Variants in LRRC45 observed in about 807,000 individuals in gnomAD.
The protein encoded by LRRC45 is leucine-rich repeat-containing protein 45.
In LRRC45, 73 loss-of-function variants were observed where a neutral mutation model predicts 85.4. That is an observed-to-expected ratio of 0.85 (90% CI 0.71 to 1.04). LRRC45 has a LOEUF of 1.04. Among genes scored for constraint, LRRC45 ranks in the 50% least tolerant of loss-of-function variants. The probability of loss-of-function intolerance (pLI) is 0.00; values close to 1 mark genes in which losing one functional copy is unlikely to be tolerated. For synonymous variants in LRRC45, 429 were observed against 386.0 expected (o/e 1.11, Z -1.31); for missense variants, 937 against 883.3 (o/e 1.06, Z -0.77).
rs767033499 is a variant in LRRC45, at chr17:82,025,375, C to T, written c.533-4C>T. 7.0e-6 allele frequency: 11 copies of T among 1,574,632 alleles called. No homozygotes were observed. Among genetic ancestry groups the T allele is most frequent in the Non-Finnish European group, 7.8e-6 (9 of 1,159,612 alleles). On this transcript the variant is annotated splice_polypyrimidine_tract_variant and splice_region_variant and intron_variant, in intron 4 of 16. Transcript: ENST00000306688. ...CTGTCTGGTGACTACAGGTTTCCTT[C>T]CAGACCTGCGCTGGAATAACGTTGG...
chr17:82,027,899 G>T, intron 8 of LRRC45, 112 bp from the exon 9 acceptor site: 4 of 1,514,768 alleles, frequency 2.6e-6, no homozygotes, highest in Non-Finnish European at 3.6e-6. Context: ...CCTGGAGGAG[G>T]CGGGTGCTGG....
chr17:82,025,255 G>T (rs1017899904), intron 4 of LRRC45, 77 bp downstream of exon 4: 98 of 1,533,638 alleles, frequency 6.4e-5, no homozygotes, highest in Non-Finnish European at 8.2e-5. Flanking sequence ...GGGGCTAGGG[G>T]ACTGGCCTGT....
In LRRC45 at chr17:82,030,615, C is replaced by T. The variant is rs1400952000; in HGVS notation, c.1823C>T (p.Ala608Val). 6.2e-6 allele frequency: 8 copies of T among 1,294,504 alleles called. No homozygotes were observed. The highest frequency in any genetic ancestry group is 5.7e-5 in the African/African-American group (3 of 52,736). The allele number at this position is 1,294,504 out of a possible 1,614,324, so 80.2% of individuals were successfully genotyped here. ...AALERQLKVM[A>V]SDHREALLDR... ...TGCGCTCCTTGCCCTGCAGTGATGG[C>T]GAGCGACCACCGAGAGGCGCTGCTG... Residue 608 changes from alanine to valine, a missense_variant, in exon 17 of 17, where the codon GCG becomes GTG. By Grantham distance (64) the Ala-to-Val change is moderately conservative. Coordinates refer to ENST00000306688, the MANE Select transcript of LRRC45 (RefSeq NM_144999.4).
Position 82,023,481 on chromosome 17 carries a change from G to C in LRRC45, c.-163G>C. ...GACCTTGACTACCGCCCAGCCCCGC[G>C]CTCCCAGGACCTCCCGCCCGCGGAG... is the stretch of plus-strand genomic sequence containing the variant. On this transcript the variant is annotated 5_prime_UTR_variant, in exon 1 of 17. Coordinates refer to ENST00000306688, the MANE Select transcript of LRRC45 (RefSeq NM_144999.4). The C allele has an allele frequency of 1.6e-6, 1 of 618,272 alleles. No individual in the cohort carries two copies. Among genetic ancestry groups the C allele is most frequent in the South Asian group, 2.1e-5 (1 of 47,470 alleles). The allele number at this position is 618,272 out of a possible 1,614,324, so 38.3% of individuals were successfully genotyped here. A position where few individuals can be genotyped will look rare whatever the true frequency, so the allele number is the denominator to read the frequency against.
chr17:82,028,897 G>T, intron 12 of LRRC45, 196 bp from the exon 13 acceptor site: 2 of 723,058 alleles, frequency 2.8e-6, no homozygotes, highest in East Asian at 5.4e-5. Flanking sequence ...ACAGGCTGCC[G>T]TTGAAGAGAC....
At position 82,027,844 on chromosome 17, in the gene LRRC45, C is replaced by G. The variant is rs188747923; in HGVS notation, c.911+93C>G. 3.0e-3 allele frequency: 4,615 copies of G among 1,533,394 alleles called. 15 individuals carry two copies. Among genetic ancestry groups the G allele is most frequent in the Non-Finnish European group, 3.9e-3 (4,373 of 1,125,692 alleles). The allele number at this position is 1,533,394 out of a possible 1,614,324, so 95.0% of individuals were successfully genotyped here. On this transcript the variant is annotated intron_variant, in intron 8 of 16. Coordinates refer to ENST00000306688, the MANE Select transcript of LRRC45 (RefSeq NM_144999.4). Reference sequence around the variant, plus strand: ...CTGTGTGCAAGTCCTGTTTGCAAAGCAGAGGTGGGAAATGGTGAGGCTGGG... The same window carrying G: ...CTGTGTGCAAGTCCTGTTTGCAAAGGAGAGGTGGGAAATGGTGAGGCTGGG...
chr17:82,029,194 C>T lies in LRRC45; in HGVS notation c.1401+9C>T. The T allele has an allele frequency of 6.2e-7, 1 of 1,608,046 alleles. No individual in the cohort carries two copies. Among genetic ancestry groups the T allele is most frequent in the Non-Finnish European group, 8.5e-7 (1 of 1,178,616 alleles). The stretch of plus-strand genomic sequence containing the variant: ...GGCTGTCCCTGGAGGAGGTGAGTGC[C>T]CACCAGGCAGGGCCAAGCTCTGCCT... On this transcript the variant is annotated intron_variant, in intron 13 of 16. Coordinates refer to ENST00000306688, the MANE Select transcript of LRRC45 (RefSeq NM_144999.4).
Position 82,030,494 on chromosome 17 carries a change from C to T in LRRC45, c.1816+28C>T, listed in dbSNP as rs200832352. The T allele has an allele frequency of 7.0e-5, 108 of 1,533,934 alleles. No homozygotes were observed. In the African/African-American group the frequency reaches 1.3e-3, roughly 19 times the overall value. On this transcript the variant is annotated intron_variant, in intron 16 of 16. Transcript: ENST00000306688. ...GAGCCAGACCCTTGTCCTCCCGCCG[C>T]CCACTGGTGGGACGTGAGGCCAGCC...
rs761056857 is a variant in LRRC45, at chr17:82,030,244, C to T, written c.1668+6C>T. On this transcript the variant is annotated splice_donor_region_variant and intron_variant, in intron 15 of 16. Coordinates refer to ENST00000306688, the MANE Select transcript of LRRC45 (RefSeq NM_144999.4). Reference sequence around the variant, plus strand: ...GCCTGGAAGAGCTGCAGCAGGTAGGCGGGGCTCCGGTGGGGGGCCCCGGGC... The same window carrying T: ...GCCTGGAAGAGCTGCAGCAGGTAGGTGGGGCTCCGGTGGGGGGCCCCGGGC... 4.6e-6 allele frequency: 7 copies of T among 1,532,778 alleles called. No homozygotes were observed. Among genetic ancestry groups the T allele is most frequent in the South Asian group, 2.4e-5 (2 of 82,864 alleles). 94.9% of individuals were successfully genotyped at this position (1,532,778 alleles called of 1,614,324 possible).
Position 82,030,340 on chromosome 17 carries a change from G to A in LRRC45, c.1690G>A (p.Glu564Lys), listed in dbSNP as rs1226882252. 6.5e-7 allele frequency: 1 copy of A among 1,549,784 alleles called. No individual in the cohort carries two copies. Reference sequence around the variant, plus strand: ...GCAGGAGCTGAGCCTCAAGGACCAGGAAAGGGTGGCCGAGGTGAGCAGGGT... The same window carrying A: ...GCAGGAGCTGAGCCTCAAGGACCAGAAAAGGGTGGCCGAGGTGAGCAGGGT... ...LQQELSLKDQ[E>K]RVAEVSRVRV... The change falls in exon 16 of 17, where the codon GAA (glutamate) becomes AAA (lysine). Residue 564 changes from glutamate to lysine, a missense_variant. Transcript: ENST00000306688.
chr17:82,024,205 C>T (rs1042026456), intron 1 of LRRC45, 73 bp from the exon 2 acceptor site: 1 of 1,559,214 alleles, frequency 6.4e-7, no homozygotes. Flanking sequence ...GGGAGCTGCC[C>T]TGAAAAGGGG....
intron 1 of LRRC45, 32 bp downstream of exon 1, chr17:82,023,895 C>T (rs1256561540): frequency 1.3e-6 from 2 of 1,529,944 alleles, no homozygotes; most frequent in Non-Finnish European, 1.8e-6. Context: ...GATCCCTCTG[C>T]TCCTTAGCTG....
chr17:82,030,644 A>G lies in LRRC45; in HGVS notation c.1852A>G (p.Arg618Gly). Residue 618 changes from arginine to glycine, a missense_variant, in exon 17 of 17, where the codon AGG becomes GGG. By Grantham distance (125) the Arg-to-Gly change is moderately radical. Transcript: ENST00000306688. Reference sequence around the variant, plus strand: ...CGACCACCGAGAGGCGCTGCTGGACAGGGAGAGCGAGAACGCGTCTCTCCG... The same window carrying G: ...CGACCACCGAGAGGCGCTGCTGGACGGGGAGAGCGAGAACGCGTCTCTCCG... ...ASDHREALLD[R>G]ESENASLREK... The G allele has an allele frequency of 2.8e-6, 4 of 1,414,264 alleles. No individual in the cohort carries two copies. Among genetic ancestry groups the G allele is most frequent in the Non-Finnish European group, 2.8e-6 (3 of 1,079,264 alleles). 87.6% of individuals were successfully genotyped at this position (1,414,264 alleles called of 1,614,324 possible). A position where few individuals can be genotyped will look rare whatever the true frequency, so the allele number is the denominator to read the frequency against.
At position 82,028,362 on chromosome 17, in the gene LRRC45, GGGCTGCAGCTTCCCTCCCTGGTGCC is replaced by G. The variant is rs753081478; in HGVS notation, c.1126-30_1126-6del. ...AGCCCAGGGTGGGCGCGGCAGGGCT[GGGCTGCAGCTTCCCTCCCTGGTGCC>G]GGCTTTCAGGTAGACGAGTTGGAGC... On this transcript the variant is annotated splice_polypyrimidine_tract_variant and intron_variant, in intron 10 of 16. Coordinates refer to ENST00000306688, the MANE Select transcript of LRRC45 (RefSeq NM_144999.4). 4 of 1,609,648 alleles carry G rather than the reference GGGCTGCAGCTTCCCTCCCTGGTGCC, an allele frequency of 2.5e-6. No individual in the cohort carries two copies. Among genetic ancestry groups the G allele is most frequent in the Non-Finnish European group, 3.4e-6 (4 of 1,178,816 alleles).
intron 5 of LRRC45, among the ~76,000 whole-genome samples, chr17:82,026,158 G>T (rs2043366242): frequency 6.6e-6 from 1 of 152,208 alleles, no homozygotes; most frequent in Non-Finnish European, 1.5e-5. Context: ...CCTCGGCACT[G>T]CCCTGGTTGT....
At position 82,025,535 on chromosome 17, in the gene LRRC45, G is replaced by T. The variant is rs374567972; in HGVS notation, c.661+28G>T. ...ACGGTGCAGGGCTGTGTGGAGTGAC[G>T]CGTGAGCCTTTGACAGAGGCCTGTC... On this transcript the variant is annotated intron_variant, in intron 5 of 16. Coordinates refer to ENST00000306688, the MANE Select transcript of LRRC45 (RefSeq NM_144999.4). The T allele has an allele frequency of 7.9e-6, 12 of 1,519,546 alleles. No homozygotes were observed. In the South Asian group the frequency reaches 1.6e-4, roughly 20 times the overall value. The allele number at this position is 1,519,546 out of a possible 1,614,324, so 94.1% of individuals were successfully genotyped here.
chr17:82,030,764 G>A lies in LRRC45; in HGVS notation c.1972G>A (p.Val658Met). ...SFLQNAVLAY[V>M]QASPVRTLSP... ...CCTGCAGAACGCCGTCCTGGCTTAC[G>A]TGCAGGCGTCCCCCGTGAGGACCCT... The change falls in exon 17 of 17, where the codon GTG becomes ATG. Residue 658 changes from valine (V) to methionine (M), a missense_variant. Physicochemically the swap from Val to Met is conservative, Grantham distance 21. Coordinates refer to ENST00000306688, the MANE Select transcript of LRRC45 (RefSeq NM_144999.4). 1 of 1,445,404 alleles carries A rather than the reference G, an allele frequency of 6.9e-7. No individual in the cohort carries two copies. The highest frequency in any genetic ancestry group is 9.2e-7 in the Non-Finnish European group (1 of 1,083,622). 89.5% of individuals were successfully genotyped at this position (1,445,404 alleles called of 1,614,324 possible).
intron 12 of LRRC45, 27 bp downstream of exon 12, chr17:82,028,710 G>T (rs775647661): frequency 4.9e-5 from 78 of 1,596,484 alleles, no homozygotes; most frequent in South Asian, 9.0e-5. Flanking sequence ...CCTCTAATGC[G>T]CCTCAGTCTC....
chr17:82,027,989 G>C, intron 8 of LRRC45, 22 bp from the exon 9 acceptor site: 3 of 1,583,928 alleles, frequency 1.9e-6, no homozygotes, highest in Non-Finnish European at 2.6e-6. Context: ...CGGGGCGGGG[G>C]TGCTGCCCCT....
Sources: gnomAD v4.1 joint callset for allele counts (sites outside exome capture counted in the v4.1 genomes callset) on GRCh38, gnomAD v4.1.1 for gene constraint, MANE v1.5 for transcripts, NCBI Gene and HGNC (gene_info 2026-07-23, HGNC 2026-07-21) for gene names.